Variants in ACVR1C observed in about 807,000 individuals in gnomAD.
ACVR1C encodes the protein activin receptor type-1C.
A neutral mutation model predicts 57.9 loss-of-function variants in ACVR1C; 23 were observed. The observed-to-expected ratio is 0.40, with a 90% CI of 0.29 to 0.56. The LOEUF is 0.56. Ranked by LOEUF, ACVR1C falls within the 20% of genes least tolerant of loss-of-function variation. The pLI, the probability that ACVR1C is intolerant of heterozygous loss-of-function variation, is 0.50. For synonymous variants in ACVR1C, 214 were observed against 215.3 expected (o/e 0.99, Z 0.05); for missense variants, 480 against 607.9 (o/e 0.79, Z 2.21).
chr2:157,583,769 T>C (rs1050886164), intron 2 of ACVR1C, among the ~76,000 whole-genome samples: 2 of 151,392 alleles, frequency 1.3e-5, no homozygotes, highest in African/African-American at 4.8e-5. Context: ...GAGTAAAGAA[T>C]AGACTTTCAA....
At chr2:157,547,802 T>C (rs1687806057) in intron 4 of ACVR1C, among the ~76,000 whole-genome samples, 1 of 151,776 alleles carries the variant, frequency 6.6e-6, no homozygotes, top group Non-Finnish European at 1.5e-5. Context: ...TCTTTTGCTG[T>C]GAAGAAGCTC....
In ACVR1C at chr2:157,628,666, G is replaced by A. The variant is rs751985510; in HGVS notation, c.-22C>T. On this transcript the variant is annotated 5_prime_UTR_variant, in exon 1 of 9. Coordinates refer to ENST00000243349, the MANE Select transcript of ACVR1C (RefSeq NM_145259.3). ...TCATCGCCACCAGGCGGCCGCGCCG[G>A]GGCTGCGAGGCCCCAGAGCAGAGCG... 6.5e-7 allele frequency: 1 copy of A among 1,546,616 alleles called. No homozygotes were observed. Among genetic ancestry groups the A allele is most frequent in the Non-Finnish European group, 8.7e-7 (1 of 1,148,426 alleles).
intron 1 of ACVR1C, among the ~76,000 whole-genome samples, chr2:157,606,328 T>TA (rs1682396083): frequency 6.6e-6 from 1 of 151,922 alleles, no homozygotes; most frequent in African/African-American, 2.4e-5. Context: ...GTAGTGGGAT[T>TA]GCTGGATTGA....
chr2:157,546,599 T>A (rs1687761182), intron 4 of ACVR1C, among the ~76,000 whole-genome samples: 1 of 152,172 alleles, frequency 6.6e-6, no homozygotes, highest in Admixed American at 6.5e-5. Context: ...ATAAAGTTCT[T>A]CATGAGTATT....
In ACVR1C at chr2:157,537,507, C is replaced by A. The variant is rs564631863; in HGVS notation, c.1356+1066G>T. Among the ~76,000 whole-genome samples, 8 of 151,740 alleles carry A rather than the reference C, an allele frequency of 5.3e-5. No individual in the cohort carries two copies. In the South Asian group the frequency reaches 1.7e-3, roughly 32 times the overall value. ...AATATAAAAATAACAAAACACAAATCTTGTGTTTTGAATTAGAAATTAGAA... is the reference window on the plus strand; with the variant it reads ...AATATAAAAATAACAAAACACAAATATTGTGTTTTGAATTAGAAATTAGAA... On this transcript the variant is annotated intron_variant, in intron 8 of 8. Transcript: ENST00000243349.
chr2:157,553,900 T>G (rs1177906505), intron 3 of ACVR1C, among the ~76,000 whole-genome samples: 1 of 151,764 alleles, frequency 6.6e-6, no homozygotes, highest in Admixed American at 6.6e-5. Context: ...AAGAAAAATG[T>G]GGCCAGGTGC....
intron 3 of ACVR1C, among the ~76,000 whole-genome samples, 193 bp from the exon 4 acceptor site, chr2:157,550,585 T>C (rs1380061803): frequency 6.6e-6 from 1 of 152,222 alleles, no homozygotes. Context: ...CTTCAAATTA[T>C]GAATATGAAT....
chr2:157,550,444 A>G, intron 3 of ACVR1C, 52 bp from the exon 4 acceptor site: 1 of 1,504,464 alleles, frequency 6.6e-7, no homozygotes, highest in Middle Eastern at 1.7e-4. Flanking sequence ...TCAGAAAAGA[A>G]CTCTCAATAA....
intron 3 of ACVR1C, among the ~76,000 whole-genome samples, chr2:157,555,882 G>T (rs1688087194): frequency 6.6e-6 from 1 of 152,110 alleles, no homozygotes; most frequent in Admixed American, 6.6e-5. Context: ...AACACCTAAA[G>T]CTACAAAAAG....
At chr2:157,561,063 T>C (rs967128794) in intron 2 of ACVR1C, among the ~76,000 whole-genome samples, 1 of 152,168 alleles carries the variant, frequency 6.6e-6, no homozygotes, top group Non-Finnish European at 1.5e-5. Context: ...GAAAATTGTT[T>C]AGAAACAAAC....
chr2:157,586,213 G>T (rs1341323736), intron 2 of ACVR1C, among the ~76,000 whole-genome samples: 1 of 152,034 alleles, frequency 6.6e-6, no homozygotes, highest in Non-Finnish European at 1.5e-5. Context: ...TTTAGGGCAA[G>T]TACACTGGTT....
Position 157,576,835 on chromosome 2 carries a change from C to CTTTTT in ACVR1C, c.304+10347_304+10351dup, listed in dbSNP as rs1166673398. ...AGAGCCTTTTGGGCTTTGAAATTTT[C>CTTTTT]TTTTTTTTTTTTTTTTTTTTTTTTT... On this transcript the variant is annotated intron_variant, in intron 2 of 8. Transcript: ENST00000243349. 3.9e-3 allele frequency among the ~76,000 whole-genome samples: 164 copies of CTTTTT among 41,726 alleles called. 11 individuals carry two copies. Among genetic ancestry groups the CTTTTT allele is most frequent in the Non-Finnish European group, 5.2e-3 (116 of 22,348 alleles). 27.4% of individuals were successfully genotyped at this position (41,726 alleles called of 152,430 possible).
chr2:157,554,240 A>AAAGAAAGAAAGAAAGAAAGAAAGAAAGG, intron 3 of ACVR1C, among the ~76,000 whole-genome samples: 1 of 135,278 alleles, frequency 7.4e-6, no homozygotes, highest in South Asian at 2.3e-4. Flanking sequence ...AGAAAGAAAG[A>AAAGAAAGAAAGAAAGAAAGAAAGAAAGG]AAGAAAGAAA....
At chr2:157,620,966 G>A (rs1224337702) in intron 1 of ACVR1C, among the ~76,000 whole-genome samples, 2 of 152,074 alleles carry the variant, frequency 1.3e-5, no homozygotes, top group Non-Finnish European at 2.9e-5. Flanking sequence ...AAAATAGATT[G>A]GGAGAAAATG....
At chr2:157,556,958 T>A (rs1186737220) in intron 2 of ACVR1C, among the ~76,000 whole-genome samples, 1 of 152,144 alleles carries the variant, frequency 6.6e-6, no homozygotes, top group Non-Finnish European at 1.5e-5. Flanking sequence ...CCACCATGCC[T>A]GGCCACAGCA....
At chr2:157,621,767 G>A (rs1369129030) in intron 1 of ACVR1C, among the ~76,000 whole-genome samples, 1 of 152,156 alleles carries the variant, frequency 6.6e-6, no homozygotes. Context: ...GAGGTCCCTT[G>A]CTCCACAGCC....
intron 1 of ACVR1C, among the ~76,000 whole-genome samples, chr2:157,612,742 G>A (rs1055883766): frequency 6.6e-6 from 1 of 152,180 alleles, no homozygotes; most frequent in Non-Finnish European, 1.5e-5. Context: ...AGTACTCCAT[G>A]TGGACTAGAG....
Position 157,592,167 on chromosome 2 carries a change from C to A in ACVR1C, c.74-4750G>T, listed in dbSNP as rs76844643. The stretch of plus-strand genomic sequence containing the variant: ...CATGCAGTCAAATAAAATTCAATAT[C>A]ATGTGCCTTGCATCTAAAATAAACA... On this transcript the variant is annotated intron_variant, in intron 1 of 8. Coordinates refer to ENST00000243349, the MANE Select transcript of ACVR1C (RefSeq NM_145259.3). Among the ~76,000 whole-genome samples the A allele has an allele frequency of 8.7e-4, 133 of 152,132 alleles. 1 individual carries two copies. Among genetic ancestry groups the A allele is most frequent in the Non-Finnish European group, 1.7e-3 (113 of 67,928 alleles).
intron 2 of ACVR1C, among the ~76,000 whole-genome samples, chr2:157,573,670 G>T (rs189744206): frequency 7.5e-4 from 114 of 152,064 alleles, no homozygotes; most frequent in African/African-American, 2.7e-3. Context: ...CAGGCTTCCT[G>T]ATCTTATTCT....
Sources: allele counts gnomAD v4.1 joint callset (sites outside exome capture counted in the v4.1 genomes callset), GRCh38; gene constraint gnomAD v4.1.1; transcripts MANE v1.5; gene names NCBI Gene and HGNC (gene_info 2026-07-23, HGNC 2026-07-21).